The following FAM110B variants were observed in gnomAD, a reference collection of about 807,000 sequenced individuals.
FAM110B encodes the protein family with sequence similarity 110 member B.
In FAM110B, 6 loss-of-function variants were observed where a neutral mutation model predicts 20.4. The ratio of observed to expected loss-of-function variants is 0.29; its 90% CI spans 0.16 to 0.58. The LOEUF is 0.58. FAM110B is among the 20% of genes least tolerant of loss of function. The probability of loss-of-function intolerance (pLI) is 0.90; values close to 1 mark genes in which losing one functional copy is unlikely to be tolerated. For missense variants in FAM110B, 434 were observed against 498.2 expected, an observed-to-expected ratio of 0.87 and a Z score of 1.23; for synonymous variants, 226 against 214.1, an observed-to-expected ratio of 1.06 and a Z score of -0.49.
At chr8:58,117,894 T>G (rs1807256427) in intron 3 of FAM110B, among the ~76,000 whole-genome samples, 1 of 152,226 alleles carries the variant, frequency 6.6e-6, no homozygotes, top group Non-Finnish European at 1.5e-5. Flanking sequence ...TCTGTTAAAC[T>G]CTTTCAGAAA....
chr8:58,097,027 C>T (rs565699580), intron 3 of FAM110B, among the ~76,000 whole-genome samples: 7 of 152,198 alleles, frequency 4.6e-5, no homozygotes, highest in Admixed American at 2.0e-4. Context: ...GTCTTGAGGT[C>T]GCTCTTCTCG....
chr8:57,997,134 T>C (rs1166880178), intron 1 of FAM110B, among the ~76,000 whole-genome samples: 1 of 152,164 alleles, frequency 6.6e-6, no homozygotes, highest in East Asian at 1.9e-4. Context: ...AAAACTGCTG[T>C]AGGCACAGTG....
rs550554053 is a variant in FAM110B at position 58,092,408 on chromosome 8, C to T, written c.-325+16785C>T. ...TATTCCTTCCCTAACCCCCTACCCCCCGACAGGCCATGGTGTGTGATGTTC... is the reference window on the plus strand; with the variant it reads ...TATTCCTTCCCTAACCCCCTACCCCTCGACAGGCCATGGTGTGTGATGTTC... On this transcript the variant is annotated intron_variant, in intron 3 of 3. Coordinates refer to ENST00000519262, the MANE Select transcript of FAM110B (RefSeq NM_001377989.1). Among the ~76,000 whole-genome samples, 14 of 152,250 alleles carry T rather than the reference C, an allele frequency of 9.2e-5. 1 individual carries two copies. The highest frequency in any genetic ancestry group is 2.2e-4 in the African/African-American group (9 of 41,550).
In FAM110B at chr8:58,138,020, C is replaced by G. The variant is rs140271343; in HGVS notation, c.-324-7887C>G. 2.4e-3 allele frequency among the ~76,000 whole-genome samples: 369 copies of G among 152,372 alleles called. 1 individual carries two copies. The highest frequency in any genetic ancestry group is 8.6e-3 in the African/African-American group (358 of 41,586). On this transcript the variant is annotated intron_variant, in intron 3 of 3. Coordinates refer to ENST00000519262, the MANE Select transcript of FAM110B (RefSeq NM_001377989.1). The stretch of plus-strand genomic sequence containing the variant: ...TCATTTTCCCCTTTACTTGCTCCAG[C>G]TCCTCTCCTGCTCCTTATCAGACGG...
At chr8:58,125,198 A>G (rs1436231199) in intron 3 of FAM110B, among the ~76,000 whole-genome samples, 1 of 152,170 alleles carries the variant, frequency 6.6e-6, no homozygotes, top group Non-Finnish European at 1.5e-5. Flanking sequence ...AAATATAAAA[A>G]TTAGCTGGGC....
intron 2 of FAM110B, among the ~76,000 whole-genome samples, chr8:58,051,530 T>G (rs1397838870): frequency 1.3e-5 from 2 of 152,198 alleles, no homozygotes; most frequent in African/African-American, 4.8e-5. Context: ...ATCAGGCTGC[T>G]TGTTAGGACT....
intron 1 of FAM110B, among the ~76,000 whole-genome samples, chr8:58,006,923 A>ATATTTTTTTTTTTTTTTT: frequency 4.7e-5 from 6 of 126,530 alleles, no homozygotes; most frequent in Non-Finnish European, 8.2e-5. Context: ...ATATATATAT[A>ATATTTTTTTTTTTTTTTT]TTTTTCCAAA....
In FAM110B at chr8:58,002,044, C is replaced by CAG. The variant is rs569578620; in HGVS notation, c.-512+7248_-512+7249dup. 5.6e-3 allele frequency among the ~76,000 whole-genome samples: 846 copies of CAG among 151,690 alleles called. 7 individuals are homozygous for CAG. Among genetic ancestry groups the CAG allele is most frequent in the African/African-American group, 0.019 (784 of 41,414 alleles). On this transcript the variant is annotated intron_variant, in intron 1 of 3. Coordinates refer to ENST00000519262, the MANE Select transcript of FAM110B (RefSeq NM_001377989.1). ...AGAGAGAGAGAGAGAAAGAGAGAGACAGAGAGAGAGACAGAGAGAATTCAA... is the reference window on the plus strand; with the variant it reads ...AGAGAGAGAGAGAGAAAGAGAGAGACAGAGAGAGAGAGACAGAGAGAATTCAA...
intron 3 of FAM110B, among the ~76,000 whole-genome samples, chr8:58,083,604 T>C (rs1563363737): frequency 1.3e-5 from 2 of 152,226 alleles, no homozygotes; most frequent in African/African-American, 2.4e-5. Flanking sequence ...AATTCCGCTA[T>C]TTCGGGGAAG....
intron 1 of FAM110B, among the ~76,000 whole-genome samples, chr8:58,017,810 G>T (rs972495795): frequency 2.0e-5 from 3 of 152,166 alleles, no homozygotes; most frequent in Non-Finnish European, 1.5e-5. Context: ...TGCTAATGAG[G>T]TATTTAATAC....
At chr8:58,030,424 T>C (rs1263007524) in intron 1 of FAM110B, among the ~76,000 whole-genome samples, 1 of 152,186 alleles carries the variant, frequency 6.6e-6, no homozygotes, top group Non-Finnish European at 1.5e-5. Flanking sequence ...ATTTTCAGGC[T>C]CTTTGTATTG....
At chr8:58,086,751 G>A (rs936223293) in intron 3 of FAM110B, among the ~76,000 whole-genome samples, 3 of 152,192 alleles carry the variant, frequency 2.0e-5, no homozygotes, top group African/African-American at 7.2e-5. Flanking sequence ...GTCAGTGATG[G>A]ATGGTGATGC....
chr8:58,040,619 G>A (rs905479206), intron 2 of FAM110B, among the ~76,000 whole-genome samples: 10 of 152,128 alleles, frequency 6.6e-5, no homozygotes, highest in Non-Finnish European at 1.3e-4. Flanking sequence ...AATAGTGCCT[G>A]TTTCCATATA....
chr8:58,117,107 C>A (rs1489452264), intron 3 of FAM110B, among the ~76,000 whole-genome samples: 2 of 152,168 alleles, frequency 1.3e-5, no homozygotes, highest in Admixed American at 6.5e-5. Context: ...CCGATCTGTC[C>A]AGAATCCCTT....
At chr8:58,059,974 A>T (rs1395052242) in intron 2 of FAM110B, among the ~76,000 whole-genome samples, 1 of 152,028 alleles carries the variant, frequency 6.6e-6, no homozygotes, top group African/African-American at 2.4e-5. Context: ...TTCCTTCATG[A>T]TCATTTATTG....
At chr8:58,045,654 A>C (rs1805305406) in intron 2 of FAM110B, among the ~76,000 whole-genome samples, 1 of 152,196 alleles carries the variant, frequency 6.6e-6, no homozygotes, top group Admixed American at 6.5e-5. Context: ...TATCTATTGG[A>C]TAAAATTCAA....
chr8:58,100,463 T>A (rs1806750234), intron 3 of FAM110B, among the ~76,000 whole-genome samples: 1 of 152,206 alleles, frequency 6.6e-6, no homozygotes, highest in Non-Finnish European at 1.5e-5. Context: ...AAATGTTTTG[T>A]CTCACAGCGC....
intron 3 of FAM110B, among the ~76,000 whole-genome samples, chr8:58,134,257 ATTTT>A (rs964789821): frequency 6.6e-6 from 1 of 152,180 alleles, no homozygotes; most frequent in Non-Finnish European, 1.5e-5. Flanking sequence ...AATATTCACT[ATTTT>A]TTTAAGTGAA....
intron 2 of FAM110B, among the ~76,000 whole-genome samples, chr8:58,067,414 G>A (rs574604147): frequency 6.6e-6 from 1 of 152,320 alleles, no homozygotes; most frequent in Admixed American, 6.5e-5. Context: ...CAGGGAGCTT[G>A]AGCCAAACAA....
Sources: gnomAD v4.1 joint callset for allele counts (sites outside exome capture counted in the v4.1 genomes callset) on GRCh38, gnomAD v4.1.1 for gene constraint, MANE v1.5 for transcripts, NCBI Gene and HGNC (gene_info 2026-07-23, HGNC 2026-07-21) for gene names.